The following CSMD1 variants were observed in gnomAD, a reference collection of about 807,000 sequenced individuals.
The protein encoded by CSMD1 is CUB and Sushi multiple domains 1.
Under a neutral mutation model 417.5 loss-of-function variants are expected in CSMD1, and 213 were observed. The ratio of observed to expected loss-of-function variants is 0.51; its 90% confidence interval spans 0.46 to 0.57. The LOEUF is 0.57. CSMD1 is among the 20% of genes least tolerant of loss of function. CSMD1 has a pLI of 0.00. For synonymous variants in CSMD1, 2,862 were observed against 1,736.8 expected (o/e 1.65, Z -16.11); for missense variants, 6,923 against 4,529.7 (o/e 1.53, Z -15.17).
chr8:4,249,449 A>G (rs1455728182), intron 3 of CSMD1, among the ~76,000 whole-genome samples: 4 of 152,176 alleles, frequency 2.6e-5, no homozygotes, highest in African/African-American at 9.7e-5. Flanking sequence ...AATCACAACC[A>G]TGGAGACAGT....
intron 5 of CSMD1, among the ~76,000 whole-genome samples, chr8:3,773,369 G>C (rs79791371): frequency 6.6e-6 from 1 of 152,044 alleles, no homozygotes; most frequent in African/African-American, 2.4e-5. Context: ...CTGTAGCCTC[G>C]ACTACAGTGA....
intron 26 of CSMD1, among the ~76,000 whole-genome samples, chr8:3,262,558 A>G (rs1471810022): frequency 3.3e-5 from 5 of 152,098 alleles, no homozygotes; most frequent in Non-Finnish European, 7.4e-5. Flanking sequence ...AAGAAAAAGA[A>G]AAAATCAAAG....
chr8:3,791,651 C>T (rs528642091), intron 5 of CSMD1, among the ~76,000 whole-genome samples: 1 of 152,060 alleles, frequency 6.6e-6, no homozygotes, highest in South Asian at 2.1e-4. Flanking sequence ...TGGCAAAAAC[C>T]CATCTCTAGA....
intron 5 of CSMD1, among the ~76,000 whole-genome samples, chr8:3,897,741 C>G (rs973686857): frequency 6.6e-6 from 1 of 152,154 alleles, no homozygotes; most frequent in East Asian, 1.9e-4. Context: ...CTGCAAAAGC[C>G]TCCTCCATGA....
At chr8:4,976,184 A>G (rs1371375645) in intron 1 of CSMD1, among the ~76,000 whole-genome samples, 1 of 152,256 alleles carries the variant, frequency 6.6e-6, no homozygotes, top group East Asian at 1.9e-4. Flanking sequence ...GGGCTGAAAA[A>G]CCATCTATTG....
chr8:4,264,225 G>T (rs1804086680), intron 3 of CSMD1, among the ~76,000 whole-genome samples: 1 of 152,128 alleles, frequency 6.6e-6, no homozygotes, highest in South Asian at 2.1e-4. Flanking sequence ...TTAATTATTA[G>T]AATTTCCTCG....
At chr8:4,295,039 G>A (rs938168605) in intron 3 of CSMD1, among the ~76,000 whole-genome samples, 2 of 146,422 alleles carry the variant, frequency 1.4e-5, no homozygotes, top group African/African-American at 2.5e-5. Context: ...TATAATATAT[G>A]TATATATTAT....
At chr8:2,965,170 T>A (rs1003058827) in intron 59 of CSMD1, among the ~76,000 whole-genome samples, 2 of 152,126 alleles carry the variant, frequency 1.3e-5, no homozygotes, top group Non-Finnish European at 2.9e-5. Context: ...TCCCTGTCAC[T>A]GTAAGAGCCA....
chr8:4,737,367 GA>G (rs922565954), intron 1 of CSMD1, among the ~76,000 whole-genome samples: 33 of 148,284 alleles, frequency 2.2e-4, no homozygotes, highest in African/African-American at 6.7e-4. Flanking sequence ...GAGAGAGTCA[GA>G]AAAAAAAAAT....
chr8:3,817,252 C>CTTTTTTTTTTTTTTT (rs767668610), intron 5 of CSMD1, among the ~76,000 whole-genome samples: 9 of 54,420 alleles, frequency 1.7e-4, no homozygotes, highest in South Asian at 8.3e-4. Flanking sequence ...TCTTCTTCTT[C>CTTTTTTTTTTTTTTT]TTTTTTTTTT....
At chr8:3,249,754 C>T (rs1408689528) in intron 26 of CSMD1, among the ~76,000 whole-genome samples, 8 of 49,636 alleles carry the variant, frequency 1.6e-4, no homozygotes, top group Admixed American at 1.2e-3. Flanking sequence ...TGTTTATTTC[C>T]GTTTTTTTTA....
intron 1 of CSMD1, among the ~76,000 whole-genome samples, chr8:4,808,961 A>C (rs936502658): frequency 1.3e-5 from 2 of 152,224 alleles, no homozygotes; most frequent in African/African-American, 4.8e-5. Context: ...AACATAAGAG[A>C]TCCAGAAAAT....
At chr8:3,586,555 A>C (rs1427895048) in intron 8 of CSMD1, among the ~76,000 whole-genome samples, 1 of 152,050 alleles carries the variant, frequency 6.6e-6, no homozygotes, top group African/African-American at 2.4e-5. Flanking sequence ...GACTTCACTG[A>C]ATAGTGTGGC....
intron 2 of CSMD1, among the ~76,000 whole-genome samples, chr8:4,538,943 A>AT (rs1176255342): frequency 6.6e-6 from 1 of 152,124 alleles, no homozygotes; most frequent in Non-Finnish European, 1.5e-5. Flanking sequence ...AGAAAGCTTT[A>AT]TTTTTTCAGC....
At chr8:3,366,553 T>A (rs1164253117) in intron 20 of CSMD1, among the ~76,000 whole-genome samples, 1 of 152,194 alleles carries the variant, frequency 6.6e-6, no homozygotes, top group Non-Finnish European at 1.5e-5. Flanking sequence ...TATGAATATA[T>A]TAAACTACAA....
intron 23 of CSMD1, among the ~76,000 whole-genome samples, chr8:3,331,930 T>A (rs2593605): frequency 0.71 from 107,543 of 152,056 alleles, 38,193 homozygotes; most frequent in East Asian, 0.95. Flanking sequence ...GACAGGTGAC[T>A]GATAATAGAT....
chr8:4,104,132 C>T (rs535349887), intron 3 of CSMD1, among the ~76,000 whole-genome samples: 39 of 152,342 alleles, frequency 2.6e-4, no homozygotes, highest in Admixed American at 2.4e-3. Context: ...AGTGTTGATT[C>T]AGTCCCTCGT....
At position 4,246,572 on chromosome 8, in the gene CSMD1, T is replaced by C. The variant is rs551325424; in HGVS notation, c.415+173381A>G. On this transcript the variant is annotated intron_variant, in intron 3 of 69. Coordinates refer to ENST00000635120, the MANE Select transcript of CSMD1 (RefSeq NM_033225.6). ...TCATGAGGGTTTTCTTTAAAATAATTATTTGCAATTCTCCTGTAGAATTTG... is the reference window on the plus strand; with the variant it reads ...TCATGAGGGTTTTCTTTAAAATAATCATTTGCAATTCTCCTGTAGAATTTG... Among the ~76,000 whole-genome samples the C allele has an allele frequency of 3.3e-5, 5 of 152,318 alleles. No individual in the cohort carries two copies. In the East Asian group the frequency reaches 9.7e-4, roughly 29 times the overall value.
At chr8:3,869,361 T>A (rs1233813871) in intron 5 of CSMD1, among the ~76,000 whole-genome samples, 1 of 152,196 alleles carries the variant, frequency 6.6e-6, no homozygotes, top group Admixed American at 6.5e-5. Context: ...ATAATAAAAT[T>A]ATATAATACA....
Sources: allele counts gnomAD v4.1 joint callset (sites outside exome capture counted in the v4.1 genomes callset), GRCh38; gene constraint gnomAD v4.1.1; transcripts MANE v1.5; gene names NCBI Gene and HGNC (gene_info 2026-07-23, HGNC 2026-07-21).